The following ZNF469 variants were observed in gnomAD, a reference collection of about 807,000 sequenced individuals.
ZNF469 encodes the protein zinc finger protein 469.
Under a neutral mutation model 1.0 loss-of-function variants are expected in ZNF469, and 1 was observed. That is an observed-to-expected ratio of 1.00 (90% confidence interval 0.35 to 4.73). The LOEUF (loss-of-function observed/expected upper bound fraction) is 4.73. ZNF469 is among the 30% of genes most tolerant of loss of function. ZNF469 has a pLI of 0.16. For missense variants in ZNF469, 6,100 were observed against 5,356.3 expected (o/e 1.14, Z -4.33); for synonymous variants, 2,703 against 2,363.4 (o/e 1.14, Z -4.17).
At chr16:88,120,843 G>A in the ZNF469 span, among the ~76,000 whole-genome samples, 1 of 152,162 alleles carries the variant, frequency 6.6e-6, no homozygotes, top group Admixed American at 6.5e-5. Flanking sequence ...TAGAATCCAG[G>A]TGTGAGCCCC....
At chr16:88,381,690 C>A (rs796158698), upstream of ZNF469, among the ~76,000 whole-genome samples, 4 of 152,388 alleles carry the variant, frequency 2.6e-5, no homozygotes, top group African/African-American at 9.6e-5. Flanking sequence ...AAGCCTCGAG[C>A]CTCTGGGGCC....
the ZNF469 span, among the ~76,000 whole-genome samples, chr16:88,200,284 C>T: frequency 1.3e-5 from 2 of 152,218 alleles, no homozygotes; most frequent in African/African-American, 4.8e-5. Flanking sequence ...GTGCCCAGCT[C>T]TCCCTGTCAG....
chr16:88,189,571 G>A, the ZNF469 span, among the ~76,000 whole-genome samples: 311 of 152,330 alleles, frequency 2.0e-3, 2 homozygotes, highest in African/African-American at 7.0e-3. The surrounding 1 kb of genome is among the most constrained non-coding windows in gnomAD (Gnocchi z 4.3). Flanking sequence ...ACTAGGTTGG[G>A]TGCTGGGGAA....
At chr16:88,201,156 G>A in the ZNF469 span, among the ~76,000 whole-genome samples, 4 of 152,342 alleles carry the variant, frequency 2.6e-5, no homozygotes, top group South Asian at 8.3e-4. This position sits in a 1 kb window ranked among gnomAD's most constrained non-coding sequence, Gnocchi z 5.0. Flanking sequence ...TTACCTGTCC[G>A]GACCAGGGGT....
chr16:88,185,543 TCA>T, the ZNF469 span, among the ~76,000 whole-genome samples: 1 of 117,918 alleles, frequency 8.5e-6, no homozygotes, highest in Non-Finnish European at 1.9e-5. Context: ...CCACACCCAC[TCA>T]CATTCGCACT....
chr16:88,158,958 G>A, the ZNF469 span, among the ~76,000 whole-genome samples: 2 of 152,094 alleles, frequency 1.3e-5, no homozygotes, highest in African/African-American at 4.8e-5. Flanking sequence ...AGCTCCCCAG[G>A]TGCACACGTG....
At chr16:88,233,268 T>C in the ZNF469 span, among the ~76,000 whole-genome samples, 1 of 152,164 alleles carries the variant, frequency 6.6e-6, no homozygotes, top group Non-Finnish European at 1.5e-5. Context: ...TGTAGCCTCG[T>C]TTCTGCTTCT....
chr16:88,115,531 C>T, the ZNF469 span, among the ~76,000 whole-genome samples: 19 of 151,922 alleles, frequency 1.3e-4, no homozygotes, highest in East Asian at 1.6e-3. Context: ...CCATGGGCTC[C>T]GCTAAAAATA....
At chr16:88,310,084 C>T in the ZNF469 span, among the ~76,000 whole-genome samples, 1 of 151,982 alleles carries the variant, frequency 6.6e-6, no homozygotes, top group African/African-American at 2.4e-5. Flanking sequence ...CTATGGGGAG[C>T]AGGGGTGCCC....
the ZNF469 span, among the ~76,000 whole-genome samples, chr16:88,123,640 C>T: frequency 1.3e-5 from 2 of 151,788 alleles, no homozygotes; most frequent in African/African-American, 4.9e-5. Flanking sequence ...GCGCCAAACC[C>T]TTGCCAAAGG....
chr16:88,296,419 C>G, the ZNF469 span, among the ~76,000 whole-genome samples: 4 of 151,984 alleles, frequency 2.6e-5, no homozygotes, highest in Non-Finnish European at 5.9e-5. Context: ...CACCCATGCT[C>G]ACACACATAC....
At chr16:88,310,566 T>A in the ZNF469 span, among the ~76,000 whole-genome samples, 20 of 151,384 alleles carry the variant, frequency 1.3e-4, no homozygotes, top group Non-Finnish European at 2.5e-4. Context: ...TCATTTTATT[T>A]TTTTTTTTTT....
chr16:88,309,027 C>G, the ZNF469 span, among the ~76,000 whole-genome samples: 1 of 152,180 alleles, frequency 6.6e-6, no homozygotes, highest in African/African-American at 2.4e-5. Context: ...CCTTCCTTTC[C>G]TCTCCCCTGC....
intron 1 of ZNF469, among the ~76,000 whole-genome samples, chr16:88,391,064 G>A (rs983287176): frequency 3.9e-5 from 6 of 152,184 alleles, no homozygotes; most frequent in Non-Finnish European, 2.9e-5. Context: ...GCTGCCGTCC[G>A]CCCATGTCAT....
chr16:88,260,346 G>A, the ZNF469 span, among the ~76,000 whole-genome samples: 4 of 152,262 alleles, frequency 2.6e-5, no homozygotes, highest in East Asian at 1.9e-4. The surrounding 1 kb of genome is among the most constrained non-coding windows in gnomAD (Gnocchi z 4.1). Context: ...TCCACAATAC[G>A]ACACGATGTC....
chr16:88,362,442 G>A, the ZNF469 span, among the ~76,000 whole-genome samples: 1 of 152,162 alleles, frequency 6.6e-6, no homozygotes, highest in Non-Finnish European at 1.5e-5. Flanking sequence ...TAGGTCAGCT[G>A]CCGATGAAAT....
the ZNF469 span, among the ~76,000 whole-genome samples, chr16:88,287,868 A>G: frequency 6.6e-6 from 1 of 152,206 alleles, no homozygotes. Context: ...ACTGAGGCTT[A>G]CTGAGTACTG....
At chr16:88,134,036 T>C in the ZNF469 span, among the ~76,000 whole-genome samples, 1 of 152,180 alleles carries the variant, frequency 6.6e-6, no homozygotes, top group Non-Finnish European at 1.5e-5. Context: ...AGGTGGAGGC[T>C]GCTGCGAGCT....
At chr16:88,396,596 G>GAGGAGA (rs1904671163) in intron 1 of ZNF469, among the ~76,000 whole-genome samples, 3 of 150,304 alleles carry the variant, frequency 2.0e-5, no homozygotes, top group African/African-American at 4.9e-5. Context: ...GGGAGGCCGG[G>GAGGAGA]CGGAGACCCA....
Sources: allele counts gnomAD v4.1 joint callset (sites outside exome capture counted in the v4.1 genomes callset), GRCh38; gene constraint gnomAD v4.1.1; non-coding constraint Gnocchi (gnomAD v3.1); transcripts MANE v1.5; gene names NCBI Gene and HGNC (gene_info 2026-07-23, HGNC 2026-07-21).